SUPT20H: variants seen among roughly 807,000 people sequenced by gnomAD.
SUPT20H encodes transcription factor SPT20 homolog.
Under a neutral mutation model 122.8 loss-of-function variants are expected in SUPT20H, and 82 were observed. That is an observed-to-expected ratio of 0.67 (90% CI 0.56 to 0.80). The LOEUF is 0.80. Ranked by LOEUF, SUPT20H falls within the 30% of genes least tolerant of loss-of-function variation. SUPT20H has a pLI of 0.00. For synonymous variants in SUPT20H, 291 were observed against 313.0 expected, an observed-to-expected ratio of 0.93 and a Z score of 0.74; for missense variants, 831 against 921.6, an observed-to-expected ratio of 0.90 and a Z score of 1.27.
chr13:37,041,801 T>G (rs1261670934), intron 7 of SUPT20H, among the ~76,000 whole-genome samples: 1 of 152,218 alleles, frequency 6.6e-6, no homozygotes, highest in East Asian at 1.9e-4. Context: ...TGCTCTCAGT[T>G]GTGGGAAGAC....
At chr13:37,010,824 G>GT in intron 24 of SUPT20H, 169 bp from the exon 25 acceptor site, 2 of 532,374 alleles carry the variant, frequency 3.8e-6, no homozygotes, top group Non-Finnish European at 6.7e-6. Context: ...TCTCCTGTTA[G>GT]TTGGGGGTAC....
chr13:37,021,370 C>T, intron 21 of SUPT20H, 78 bp downstream of exon 21: 1 of 1,380,820 alleles, frequency 7.2e-7, no homozygotes, highest in Non-Finnish European at 9.7e-7. Context: ...ATGCCTTTAG[C>T]ATTACTCTTA....
At position 37,022,469 on chromosome 13, in the gene SUPT20H, A is replaced by C; in HGVS notation, c.1592-389T>G. On this transcript the variant is annotated intron_variant, in intron 19 of 25. Transcript: ENST00000350612. This position sits in a 1 kb window ranked among gnomAD's most constrained non-coding sequence, Gnocchi z 4.5. Reference sequence around the variant, plus strand: ...GCAAGTGTTAATTTCTACACATGATACATGAGTGTTGCTACACTCAATTAC... The same window carrying C: ...GCAAGTGTTAATTTCTACACATGATCCATGAGTGTTGCTACACTCAATTAC... 7 of 1,288,570 alleles carry C rather than the reference A, an allele frequency of 5.4e-6. No homozygotes were observed. The highest frequency in any genetic ancestry group is 5.9e-6 in the Non-Finnish European group (6 of 1,020,300). The allele number at this position is 1,288,570 out of a possible 1,614,324, so 79.8% of individuals were successfully genotyped here. A position where few individuals can be genotyped will look rare whatever the true frequency, so the allele number is the denominator to read the frequency against.
rs1594435430 is a variant in SUPT20H, at chr13:37,045,314, A to G, written c.225T>C (p.Cys75=). ...TTCCTGGGTATAGATTGACCACTAA[A>G]CATGACAAAGTCTCTTGCATAACAA... ...EKLVMQETLS[C]LVVNLYPGNE... The change falls in exon 6 of 26, where the codon TGT becomes TGC. Residue 75 remains cysteine (C), a synonymous_variant. Coordinates refer to ENST00000350612, the MANE Select transcript of SUPT20H (RefSeq NM_001014286.3). 2 of 1,613,764 alleles carry G rather than the reference A, an allele frequency of 1.2e-6. No individual in the cohort carries two copies. The highest frequency in any genetic ancestry group is 8.5e-7 in the Non-Finnish European group (1 of 1,179,786).
chr13:37,040,492 T>G (rs756417214), intron 8 of SUPT20H, 34 bp from the exon 9 acceptor site: 3 of 1,573,512 alleles, frequency 1.9e-6, no homozygotes, highest in South Asian at 1.2e-5. Flanking sequence ...AACTTATTAA[T>G]CTATGCACAA....
At chr13:37,027,388 T>A (rs1184574221) in intron 14 of SUPT20H, among the ~76,000 whole-genome samples, 1 of 152,132 alleles carries the variant, frequency 6.6e-6, no homozygotes. Context: ...ACTGGTCATG[T>A]GAAAAAACAA....
rs754473122 is a variant in SUPT20H, at chr13:37,024,023, G to T, written c.1591+12C>A. ...TATGAAGATTTAATGAAGAATTTAA[G>T]TTATGACTCACTTTGTGATGAGCTG... On this transcript the variant is annotated intron_variant, in intron 19 of 25. Transcript: ENST00000350612. 1.3e-5 allele frequency: 20 copies of T among 1,594,190 alleles called. No homozygotes were observed. The highest frequency in any genetic ancestry group is 1.7e-5 in the Non-Finnish European group (20 of 1,172,718).
chr13:37,009,668 A>G lies in SUPT20H; in HGVS notation c.*4T>C. On this transcript the variant is annotated 3_prime_UTR_variant, in exon 26 of 26. Transcript: ENST00000350612. ...TAAAAAAGGAACAAAAAGTAATGCA[A>G]GACTCAAAATTTTGGAGTGGTTGGC... is the stretch of plus-strand genomic sequence containing the variant. 1.9e-6 allele frequency: 3 copies of G among 1,613,378 alleles called. No homozygotes were observed. The highest frequency in any genetic ancestry group is 2.5e-6 in the Non-Finnish European group (3 of 1,179,836).
intron 23 of SUPT20H, among the ~76,000 whole-genome samples, chr13:37,016,268 T>C (rs899833498): frequency 1.3e-5 from 2 of 150,694 alleles, no homozygotes; most frequent in East Asian, 3.9e-4. Flanking sequence ...CTACTAAAAA[T>C]ACAAAAAAAA....
Position 37,031,795 on chromosome 13 carries a change from TTTTTTG to T in SUPT20H, c.802_807del (p.Gln268_Lys269del). 6.2e-7 allele frequency: 1 copy of T among 1,610,024 alleles called. No individual in the cohort carries two copies. Among genetic ancestry groups the T allele is most frequent in the Non-Finnish European group, 8.5e-7 (1 of 1,178,664 alleles). On this transcript the variant is annotated inframe_deletion, in exon 11 of 26. Transcript: ENST00000350612. Reference sequence around the variant, plus strand: ...TGCTGACCTGCTTTTCTTTCCTTTCTTTTTTGTAAGAAATCAAGTAACCTCAGCTGA... The same window carrying T: ...TGCTGACCTGCTTTTCTTTCCTTTCTTAAGAAATCAAGTAACCTCAGCTGA...
At chr13:37,056,772 A>G (rs968052267) in intron 1 of SUPT20H, 2 of 141,706 alleles carry the variant, frequency 1.4e-5, no homozygotes, top group Admixed American at 6.9e-5. Flanking sequence ...TAATAAAAAG[A>G]AAAAAAAAAA....
At chr13:37,011,656 A>G (rs1327015392) in intron 24 of SUPT20H, among the ~76,000 whole-genome samples, 3 of 150,800 alleles carry the variant, frequency 2.0e-5, no homozygotes, top group Non-Finnish European at 4.4e-5. Flanking sequence ...TATCGTCTTC[A>G]ACTGACAGGA....
intron 15 of SUPT20H, among the ~76,000 whole-genome samples, chr13:37,026,469 A>G (rs1345642325): frequency 6.6e-6 from 1 of 152,148 alleles, no homozygotes; most frequent in African/African-American, 2.4e-5. Context: ...TAATTAAGTG[A>G]TATTTCTTTT....
chr13:37,045,743 C>T (rs2066308023), intron 5 of SUPT20H, among the ~76,000 whole-genome samples: 1 of 152,168 alleles, frequency 6.6e-6, no homozygotes, highest in South Asian at 2.1e-4. Context: ...ATACAGTTTC[C>T]ACTAAGTAGA....
chr13:37,016,297 G>A (rs565151195), intron 23 of SUPT20H, among the ~76,000 whole-genome samples: 9 of 152,044 alleles, frequency 5.9e-5, no homozygotes, highest in Non-Finnish European at 1.2e-4. Context: ...GGGCGTGGTG[G>A]CACATGTCTG....
intron 21 of SUPT20H, 59 bp downstream of exon 21, chr13:37,021,389 T>G: frequency 6.8e-7 from 1 of 1,461,102 alleles, no homozygotes; most frequent in Non-Finnish European, 9.2e-7. Context: ...TAAAATTACA[T>G]TTTTACTTTA....
chr13:37,058,938 A>G (rs1025445643), intron 1 of SUPT20H, among the ~76,000 whole-genome samples: 6 of 152,300 alleles, frequency 3.9e-5, no homozygotes, highest in Admixed American at 2.6e-4. Context: ...TCGTCACTTT[A>G]TATTTTGAGT....
rs114717531 is a variant in SUPT20H at position 37,036,197 on chromosome 13, A to G, written c.568-2609T>C. On this transcript the variant is annotated intron_variant, in intron 9 of 25. Coordinates refer to ENST00000350612, the MANE Select transcript of SUPT20H (RefSeq NM_001014286.3). ...AGATGATCATTAGCATTTTTTAGCAATAAAGTATTTTTGAATTAATGTATA... is the reference window on the plus strand; with the variant it reads ...AGATGATCATTAGCATTTTTTAGCAGTAAAGTATTTTTGAATTAATGTATA... 2.4e-3 allele frequency among the ~76,000 whole-genome samples: 367 copies of G among 152,300 alleles called. 3 individuals carry two copies. The highest frequency in any genetic ancestry group is 8.1e-3 in the African/African-American group (338 of 41,550).
intron 22 of SUPT20H, among the ~76,000 whole-genome samples, chr13:37,018,801 T>C (rs1031142852): frequency 6.6e-6 from 1 of 152,052 alleles, no homozygotes; most frequent in Admixed American, 6.5e-5. Context: ...GGATTACAGG[T>C]GCATGCTACC....
Sources: allele counts gnomAD v4.1 joint callset (sites outside exome capture counted in the v4.1 genomes callset), GRCh38; gene constraint gnomAD v4.1.1; non-coding constraint Gnocchi (gnomAD v3.1); transcripts MANE v1.5; gene names NCBI Gene and HGNC (gene_info 2026-07-23, HGNC 2026-07-21).